The following KCNH5 variants were observed in gnomAD, a reference collection of about 807,000 sequenced individuals.
KCNH5 encodes the protein voltage-gated delayed rectifier potassium channel KCNH5.
Under a neutral mutation model 96.1 loss-of-function variants are expected in KCNH5, and 46 were observed. That is an observed-to-expected ratio of 0.48 (90% CI 0.38 to 0.61). The LOEUF (loss-of-function observed/expected upper bound fraction) is 0.61. Among genes scored for constraint, KCNH5 ranks in the 20% least tolerant of loss-of-function variants. KCNH5 has a pLI of 0.00. For synonymous variants in KCNH5, 439 were observed against 449.8 expected, an observed-to-expected ratio of 0.98 and a Z score of 0.30; for missense variants, 907 against 1,225.8, an observed-to-expected ratio of 0.74 and a Z score of 3.88.
At chr14:62,977,937 A>G (rs1890532259) in intron 6 of KCNH5, among the ~76,000 whole-genome samples, 1 of 152,250 alleles carries the variant, frequency 6.6e-6, no homozygotes, top group Non-Finnish European at 1.5e-5. Context: ...TTACACTTTT[A>G]CACAGTAAAT....
At chr14:62,759,573 A>ATATATATATATATATT (rs1171935428) in intron 10 of KCNH5, among the ~76,000 whole-genome samples, 6 of 151,082 alleles carry the variant, frequency 4.0e-5, no homozygotes, top group Non-Finnish European at 4.4e-5. Flanking sequence ...CGTAGGGTAT[A>ATATATATATATATATT]TTTTTTAATA....
chr14:62,964,528 T>C (rs1212800796), intron 6 of KCNH5, among the ~76,000 whole-genome samples: 4 of 152,038 alleles, frequency 2.6e-5, no homozygotes, highest in Admixed American at 1.3e-4. Context: ...CTGTCTGTTT[T>C]TCCCCCACCA....
intron 5 of KCNH5, among the ~76,000 whole-genome samples, chr14:62,983,816 T>C (rs1281354007): frequency 6.6e-6 from 1 of 152,168 alleles, no homozygotes; most frequent in East Asian, 1.9e-4. Context: ...CCTTCCCAGG[T>C]GATTACAATG....
chr14:62,958,331 G>A (rs372898463), intron 6 of KCNH5, among the ~76,000 whole-genome samples: 2 of 152,050 alleles, frequency 1.3e-5, no homozygotes, highest in South Asian at 2.1e-4. Context: ...CATCACCTTG[G>A]GTGATATCCA....
At chr14:62,976,093 G>T (rs150940306) in intron 6 of KCNH5, among the ~76,000 whole-genome samples, 1,657 of 139,580 alleles carry the variant, frequency 0.012, 22 homozygotes, top group Non-Finnish European at 0.018. Context: ...GAAAATAGGA[G>T]ATTTAAAAAA....
At chr14:62,799,718 TATATATATAC>T (rs1471693263) in intron 9 of KCNH5, among the ~76,000 whole-genome samples, 12 of 114,738 alleles carry the variant, frequency 1.0e-4, no homozygotes, top group South Asian at 6.8e-4. Context: ...TATATATATA[TATATATATAC>T]ACACACACAC....
chr14:62,847,003 T>C (rs1887711011), intron 8 of KCNH5, among the ~76,000 whole-genome samples: 1 of 149,384 alleles, frequency 6.7e-6, no homozygotes, highest in Non-Finnish European at 1.5e-5. Flanking sequence ...AGTTTCACAG[T>C]GTTAGCCAGG....
chr14:62,770,501 T>A (rs1448512695), intron 10 of KCNH5, among the ~76,000 whole-genome samples: 1 of 152,244 alleles, frequency 6.6e-6, no homozygotes, highest in African/African-American at 2.4e-5. Context: ...AGTTGATCTC[T>A]ACTCAAGAAC....
chr14:63,002,932 CTG>C (rs1428409619), intron 3 of KCNH5, among the ~76,000 whole-genome samples: 1 of 152,104 alleles, frequency 6.6e-6, no homozygotes, highest in African/African-American at 2.4e-5. Context: ...TGACCAGGAA[CTG>C]TGAGTGATGT....
intron 1 of KCNH5, among the ~76,000 whole-genome samples, chr14:63,026,538 G>A (rs147326277): frequency 5.7e-4 from 87 of 151,998 alleles, no homozygotes; most frequent in African/African-American, 2.1e-3. Flanking sequence ...TTAAAACATG[G>A]GCAAAGGATA....
chr14:62,721,476 T>C (rs190786220), intron 10 of KCNH5, among the ~76,000 whole-genome samples: 156 of 135,732 alleles, frequency 1.1e-3, no homozygotes, highest in Non-Finnish European at 1.9e-3. Flanking sequence ...TCATGTTTCT[T>C]TCTCTCTCTC....
At chr14:62,912,037 C>CAAAAAAAAAA (rs1163755853) in intron 7 of KCNH5, among the ~76,000 whole-genome samples, 1 of 79,664 alleles carries the variant, frequency 1.3e-5, no homozygotes, top group African/African-American at 4.9e-5. Context: ...GACTCCTAAT[C>CAAAAAAAAAA]AAAAAAAAAA....
At chr14:62,810,501 A>C (rs1464716758) in intron 8 of KCNH5, among the ~76,000 whole-genome samples, 1 of 152,096 alleles carries the variant, frequency 6.6e-6, no homozygotes. Context: ...ATAAGATAAG[A>C]GGTTGGCACA....
At chr14:62,973,429 T>C (rs1890446031) in intron 6 of KCNH5, among the ~76,000 whole-genome samples, 1 of 152,218 alleles carries the variant, frequency 6.6e-6, no homozygotes, top group African/African-American at 2.4e-5. Context: ...ATTTAGGTCA[T>C]GAGGGATCTG....
At position 62,779,876 on chromosome 14, in the gene KCNH5, G is replaced by C. The variant is rs762614737; in HGVS notation, c.1871C>G (p.Ala624Gly). 15 of 1,613,744 alleles carry C rather than the reference G, an allele frequency of 9.3e-6. No homozygotes were observed. The Admixed American group carries it at 1.5e-4, about 16-fold the overall frequency. ...GDIFWKETTL[A>G]HACANVRALT... The stretch of plus-strand genomic sequence containing the variant: ...TGCCCGGACGTTCGCACATGCATGG[G>C]CAAGGGTGGTTTCCTTCCAGAAGAT... The change falls in exon 10 of 11, where the codon GCC becomes GGC. Residue 624 changes from alanine to glycine, a missense_variant. Physicochemically the swap from Ala to Gly is moderately conservative, Grantham distance 60 (BLOSUM62 0). This residue lies in a region of KCNH5 where 57 missense variants were observed against 76.0 expected (regional missense o/e 0.75). Transcript: ENST00000322893.
intron 7 of KCNH5, among the ~76,000 whole-genome samples, chr14:62,878,390 A>G (rs1286341278): frequency 1.3e-5 from 2 of 152,062 alleles, no homozygotes; most frequent in African/African-American, 4.8e-5. Flanking sequence ...CATAGGAGAA[A>G]GTCTTGTTCA....
At position 62,844,743 on chromosome 14, in the gene KCNH5, G is replaced by T. The variant is rs552547689; in HGVS notation, c.1569+4910C>A. Among the ~76,000 whole-genome samples, 8 of 152,280 alleles carry T rather than the reference G, an allele frequency of 5.3e-5. No homozygotes were observed. In the South Asian group the frequency reaches 1.7e-3, roughly 32 times the overall value. ...AGCAAACTTTCATGATAGAAATGCTGCAATCTCCACATCAGTACAGATTTT... is the reference window on the plus strand; with the variant it reads ...AGCAAACTTTCATGATAGAAATGCTTCAATCTCCACATCAGTACAGATTTT... On this transcript the variant is annotated intron_variant, in intron 8 of 10. Transcript: ENST00000322893.
At chr14:62,872,704 C>A (rs1259379166) in intron 7 of KCNH5, among the ~76,000 whole-genome samples, 4 of 150,980 alleles carry the variant, frequency 2.6e-5, no homozygotes, top group African/African-American at 9.7e-5. Flanking sequence ...AAGAAAAAAT[C>A]TACTCTTAGC....
chr14:62,970,071 A>T (rs1375561284), intron 6 of KCNH5, among the ~76,000 whole-genome samples: 2 of 148,034 alleles, frequency 1.4e-5, no homozygotes, highest in African/African-American at 4.9e-5. Context: ...AAAAAAAAAA[A>T]TTAAATCAAT....
Sources: gnomAD v4.1 joint callset for allele counts (sites outside exome capture counted in the v4.1 genomes callset) on GRCh38, gnomAD v4.1.1 for gene constraint, gnomAD v4.1.1 regional missense constraint, MANE v1.5 for transcripts, NCBI Gene and HGNC (gene_info 2026-07-23, HGNC 2026-07-21) for gene names.